Variants in PHACTR1 observed in about 807,000 individuals in gnomAD.
PHACTR1 encodes the protein RPEL repeat containing 1.
In PHACTR1, 16 loss-of-function variants were observed where a neutral mutation model predicts 69.2. The observed-to-expected ratio is 0.23, with a 90% CI of 0.16 to 0.35. The LOEUF is 0.35. PHACTR1 is among the 10% of genes least tolerant of loss of function. PHACTR1 has a pLI of 1.00. For synonymous variants in PHACTR1, 312 were observed against 284.5 expected (o/e 1.10, Z -0.97); for missense variants, 510 against 734.7 (o/e 0.69, Z 3.54).
intron 7 of PHACTR1, among the ~76,000 whole-genome samples, chr6:13,204,942 G>A (rs1765691526): frequency 1.3e-5 from 2 of 152,236 alleles, no homozygotes; most frequent in Non-Finnish European, 1.5e-5. Flanking sequence ...GAAAGGATCT[G>A]TTCACATCAT....
chr6:12,842,406 T>C (rs1778787128), intron 4 of PHACTR1, among the ~76,000 whole-genome samples: 1 of 152,254 alleles, frequency 6.6e-6, no homozygotes, highest in South Asian at 2.1e-4. Flanking sequence ...TAGGAGGCTG[T>C]GTAATTTTGC....
At chr6:13,044,117 A>G (rs1491001338) in intron 4 of PHACTR1, among the ~76,000 whole-genome samples, 1 of 152,084 alleles carries the variant, frequency 6.6e-6, no homozygotes, top group Non-Finnish European at 1.5e-5. Flanking sequence ...AAAATTTTAT[A>G]ATTTTAAATT....
At chr6:13,266,499 A>AT in intron 10 of PHACTR1, 1 of 152,434 alleles carries the variant, frequency 6.6e-6, no homozygotes, top group African/African-American at 2.4e-5. Flanking sequence ...GTATTAGGCC[A>AT]TTCCCACACT....
intron 10 of PHACTR1, among the ~76,000 whole-genome samples, chr6:13,262,807 T>G (rs550248133): frequency 6.6e-6 from 1 of 152,338 alleles, no homozygotes; most frequent in Admixed American, 6.5e-5. Context: ...TGTGAGGACT[T>G]TTGCATTTCC....
At chr6:13,286,713 T>C (rs1781757639) in intron 14 of PHACTR1, among the ~76,000 whole-genome samples, 1 of 152,262 alleles carries the variant, frequency 6.6e-6, no homozygotes, top group Non-Finnish European at 1.5e-5. Context: ...TAAGGTTGCA[T>C]TGCTAGTTAG....
At chr6:13,260,388 CA>C (rs1373593427) in intron 10 of PHACTR1, among the ~76,000 whole-genome samples, 3 of 152,084 alleles carry the variant, frequency 2.0e-5, no homozygotes, top group African/African-American at 7.2e-5. Context: ...GCATTGTGGC[CA>C]GGCTGTGGTG....
intron 4 of PHACTR1, among the ~76,000 whole-genome samples, chr6:12,881,638 C>T (rs534581746): frequency 6.6e-6 from 1 of 152,222 alleles, no homozygotes; most frequent in African/African-American, 2.4e-5. Context: ...CACTCTTCTT[C>T]CCCCAGGAGA....
At position 13,025,671 on chromosome 6, in the gene PHACTR1, T is replaced by TTGTGTGTGTA. The variant is rs747937897; in HGVS notation, c.251-27685_251-27684insATGTGTGTGT. Among the ~76,000 whole-genome samples the TTGTGTGTGTA allele has an allele frequency of 2.2e-3, 302 of 140,316 alleles. 2 individuals carry two copies. Among genetic ancestry groups the TTGTGTGTGTA allele is most frequent in the African/African-American group, 7.4e-3 (273 of 36,866 alleles). The allele number at this position is 140,316 out of a possible 152,430, so 92.1% of individuals were successfully genotyped here. A position where few individuals can be genotyped will look rare whatever the true frequency, so the allele number is the denominator to read the frequency against. On this transcript the variant is annotated intron_variant, in intron 4 of 14. Transcript: ENST00000332995. ...CATAACCAGATAAGTCATATATTATTTGTGTGTGTGTGTGTGTGTGTGTGT... is the reference window on the plus strand; with the variant it reads ...CATAACCAGATAAGTCATATATTATTTGTGTGTGTATGTGTGTGTGTGTGTGTGTGTGTGT...
intron 4 of PHACTR1, among the ~76,000 whole-genome samples, chr6:12,996,881 T>A (rs1797472093): frequency 6.6e-6 from 1 of 152,164 alleles, no homozygotes; most frequent in African/African-American, 2.4e-5. Context: ...TTTATAAATG[T>A]ATGGCCGGGT....
chr6:13,050,554 TC>T (rs1805793424), intron 4 of PHACTR1, among the ~76,000 whole-genome samples: 1 of 152,206 alleles, frequency 6.6e-6, no homozygotes, highest in South Asian at 2.1e-4. Context: ...CAGCATTTTT[TC>T]TACATCTTCG....
intron 8 of PHACTR1, among the ~76,000 whole-genome samples, chr6:13,212,907 C>T (rs1278391379): frequency 6.6e-6 from 1 of 152,222 alleles, no homozygotes; most frequent in Non-Finnish European, 1.5e-5. Context: ...GCAACACAGC[C>T]TGTTCCCCAG....
At chr6:13,284,543 A>AAAAAAAT (rs1554187813) in intron 13 of PHACTR1, among the ~76,000 whole-genome samples, 5 of 61,356 alleles carry the variant, frequency 8.1e-5, no homozygotes, top group South Asian at 5.8e-4. Context: ...AAAAAAAAAA[A>AAAAAAAT]ATATATATAT....
chr6:13,187,311 A>C (rs1762946664), intron 7 of PHACTR1, among the ~76,000 whole-genome samples: 1 of 152,220 alleles, frequency 6.6e-6, no homozygotes, highest in African/African-American at 2.4e-5. Flanking sequence ...TTGCAATTCA[A>C]TGCAGTCTGA....
At position 12,885,765 on chromosome 6, in the gene PHACTR1, C is replaced by T. The variant is rs928708684; in HGVS notation, c.250+135975C>T. ...TCTGATGCTAGCGATGGCAGGCACA[C>T]GGAATAAGATCTGGGAACACAATTG... is the stretch of plus-strand genomic sequence containing the variant. On this transcript the variant is annotated intron_variant, in intron 4 of 14. Transcript: ENST00000332995. Among the ~76,000 whole-genome samples, 20 of 152,232 alleles carry T rather than the reference C, an allele frequency of 1.3e-4. No homozygotes were observed. The East Asian group carries it at 3.1e-3, about 24-fold the overall frequency.
At chr6:13,172,572 G>A (rs16873671) in intron 6 of PHACTR1, among the ~76,000 whole-genome samples, 5,067 of 152,290 alleles carry the variant, frequency 0.033, 115 homozygotes, top group East Asian at 0.092. Flanking sequence ...GCAGGAAACA[G>A]CTCCAGGGAA....
chr6:12,913,670 AG>A (rs978202747), intron 4 of PHACTR1, among the ~76,000 whole-genome samples: 25 of 152,304 alleles, frequency 1.6e-4, no homozygotes, highest in African/African-American at 6.0e-4. Context: ...AGAGGATCTC[AG>A]GGCCTCAAAT....
chr6:13,003,951 C>CA, intron 4 of PHACTR1, among the ~76,000 whole-genome samples: 1 of 93,558 alleles, frequency 1.1e-5, no homozygotes, highest in East Asian at 2.2e-4. Flanking sequence ...AGTAGTATTC[C>CA]TATATATATA....
chr6:12,958,665 A>G (rs1792221507), intron 4 of PHACTR1, among the ~76,000 whole-genome samples: 1 of 152,226 alleles, frequency 6.6e-6, no homozygotes, highest in Non-Finnish European at 1.5e-5. Flanking sequence ...ACAAGATGTT[A>G]GTTTGAAAGA....
chr6:13,093,791 G>A (rs1278685974), intron 5 of PHACTR1, among the ~76,000 whole-genome samples: 1 of 152,180 alleles, frequency 6.6e-6, no homozygotes, highest in African/African-American at 2.4e-5. Context: ...GAAAGTTAAA[G>A]TAGTCCAGTA....
Sources: gnomAD v4.1 joint callset for allele counts (sites outside exome capture counted in the v4.1 genomes callset) on GRCh38, gnomAD v4.1.1 for gene constraint, MANE v1.5 for transcripts, NCBI Gene and HGNC (gene_info 2026-07-23, HGNC 2026-07-21) for gene names.